The following ZNF664 variants were observed in gnomAD, a reference collection of about 807,000 sequenced individuals.
ZNF664 encodes the protein zinc finger protein 664.
Under a neutral mutation model 18.2 loss-of-function variants are expected in ZNF664, and 10 were observed. The ratio of observed to expected loss-of-function variants is 0.55; its 90% CI spans 0.34 to 0.93. The LOEUF (loss-of-function observed/expected upper bound fraction) is 0.93. ZNF664 is among the 40% of genes least tolerant of loss of function. The pLI, the probability that ZNF664 is intolerant of heterozygous loss-of-function variation, is 0.02. For synonymous variants in ZNF664, 119 were observed against 104.2 expected (o/e 1.14, Z -0.86); for missense variants, 193 against 319.0 (o/e 0.61, Z 3.01).
intron 2 of ZNF664, among the ~76,000 whole-genome samples, chr12:123,980,503 A>C (rs1264616422): frequency 2.0e-5 from 3 of 152,226 alleles, no homozygotes; most frequent in Non-Finnish European, 2.9e-5. Context: ...TCTGCACAAA[A>C]TATGTATATT....
Position 124,015,394 on chromosome 12 carries a change from C to T in ZNF664, c.*2464C>T, listed in dbSNP as rs1214202447. On this transcript the variant is annotated 3_prime_UTR_variant, in exon 5 of 5. Transcript: ENST00000337815. ...AATATTATTTGACCTACAGTATGTC[C>T]AAATCAATTTAATAAAATCGCTTTA... 1 of 165,806 alleles carries T rather than the reference C, an allele frequency of 6.0e-6. No individual in the cohort carries two copies. The highest frequency in any genetic ancestry group is 1.5e-5 in the Non-Finnish European group (1 of 68,100). 10.3% of individuals were successfully genotyped at this position (165,806 alleles called of 1,614,324 possible).
chr12:124,011,681 G>T lies in ZNF664; in HGVS notation c.-464G>T, dbSNP rs1189807295. 4.0e-6 allele frequency: 4 copies of T among 1,007,442 alleles called. No individual in the cohort carries two copies. The highest frequency in any genetic ancestry group is 3.5e-5 in the African/African-American group (2 of 57,558). 62.4% of individuals were successfully genotyped at this position (1,007,442 alleles called of 1,614,324 possible). A position where few individuals can be genotyped will look rare whatever the true frequency, so the allele number is the denominator to read the frequency against. The stretch of plus-strand genomic sequence containing the variant: ...GAATGCCAAACTGACTCTTCAAGGG[G>T]CAACTGCAGGGGCTCGAGACCAGCC... On this transcript the variant is annotated 5_prime_UTR_variant, in exon 5 of 5. Coordinates refer to ENST00000337815, the MANE Select transcript of ZNF664 (RefSeq NM_152437.3).
rs1957137161 is a variant in ZNF664, at chr12:124,011,645, T to C, written c.-500T>C. ...GCTGGAAAGGCTTTCCTGTCTGATG[T>C]GCAGGAGGCAGAATGCCAAACTGAC... is the stretch of plus-strand genomic sequence containing the variant. On this transcript the variant is annotated 5_prime_UTR_variant, in exon 5 of 5. Transcript: ENST00000337815. 2 of 1,006,826 alleles carry C rather than the reference T, an allele frequency of 2.0e-6. No individual in the cohort carries two copies. The highest frequency in any genetic ancestry group is 4.6e-5 in the South Asian group (1 of 21,586). The allele number at this position is 1,006,826 out of a possible 1,614,324, so 62.4% of individuals were successfully genotyped here.
At position 124,014,345 on chromosome 12, in the gene ZNF664, CA is replaced by C. The variant is rs1957168203; in HGVS notation, c.*1416del. The C allele has an allele frequency of 6.0e-6, 1 of 167,040 alleles. No homozygotes were observed. Among genetic ancestry groups the C allele is most frequent in the African/African-American group, 2.4e-5 (1 of 41,424 alleles). The allele number at this position is 167,040 out of a possible 1,614,324, so 10.3% of individuals were successfully genotyped here. ...ACAGGCCAGCACTGGCATTCGCAAGCAGTGGGGAAGGGGAGAGATGCCGAGG... is the reference window on the plus strand; with the variant it reads ...ACAGGCCAGCACTGGCATTCGCAAGCGTGGGGAAGGGGAGAGATGCCGAGG... On this transcript the variant is annotated 3_prime_UTR_variant, in exon 5 of 5. Coordinates refer to ENST00000337815, the MANE Select transcript of ZNF664 (RefSeq NM_152437.3).
intron 3 of ZNF664, chr12:123,989,531 T>C (rs1956864771): frequency 6.6e-6 from 1 of 152,206 alleles, no homozygotes; most frequent in Non-Finnish European, 1.5e-5. Flanking sequence ...GCCACTAATG[T>C]AGGGAAAAGG....
chr12:124,010,288 G>T (rs1361038300), intron 3 of ZNF664, among the ~76,000 whole-genome samples: 1 of 152,082 alleles, frequency 6.6e-6, no homozygotes, highest in Non-Finnish European at 1.5e-5. Context: ...ACCCATGCAT[G>T]TTCTCTTTGT....
At chr12:123,990,670 T>C (rs1386639361) in intron 3 of ZNF664, among the ~76,000 whole-genome samples, 1 of 152,178 alleles carries the variant, frequency 6.6e-6, no homozygotes, top group Non-Finnish European at 1.5e-5. Flanking sequence ...TCCTTTTGTG[T>C]TCCCTCCCCC....
At position 123,973,301 on chromosome 12, in the gene ZNF664, G is replaced by C; in HGVS notation, c.-943G>C. ...CCTGTGAGGTGTCCCTGAGGAGAGG[G>C]AGGTGGGTGCGCGGCGCCCGCGGCC... On this transcript the variant is annotated 5_prime_UTR_variant, in exon 1 of 5. Coordinates refer to ENST00000337815, the MANE Select transcript of ZNF664 (RefSeq NM_152437.3). 2 of 984,352 alleles carry C rather than the reference G, an allele frequency of 2.0e-6. No homozygotes were observed. Among genetic ancestry groups the C allele is most frequent in the Non-Finnish European group, 2.4e-6 (2 of 829,808 alleles). 61.0% of individuals were successfully genotyped at this position (984,352 alleles called of 1,614,324 possible). A position where few individuals can be genotyped will look rare whatever the true frequency, so the allele number is the denominator to read the frequency against.
rs1439425906 is a variant in ZNF664, at chr12:124,011,654, C to G, written c.-491C>G. 9.9e-7 allele frequency: 1 copy of G among 1,006,842 alleles called. No individual in the cohort carries two copies. The highest frequency in any genetic ancestry group is 1.2e-6 in the Non-Finnish European group (1 of 846,728). 62.4% of individuals were successfully genotyped at this position (1,006,842 alleles called of 1,614,324 possible). A position where few individuals can be genotyped will look rare whatever the true frequency, so the allele number is the denominator to read the frequency against. On this transcript the variant is annotated 5_prime_UTR_variant, in exon 5 of 5. Coordinates refer to ENST00000337815, the MANE Select transcript of ZNF664 (RefSeq NM_152437.3). ...GCTTTCCTGTCTGATGTGCAGGAGG[C>G]AGAATGCCAAACTGACTCTTCAAGG...
chr12:123,984,212 G>A (rs769221299), intron 2 of ZNF664, among the ~76,000 whole-genome samples: 1 of 152,162 alleles, frequency 6.6e-6, no homozygotes, highest in Non-Finnish European at 1.5e-5. Context: ...GAGCTTGCCC[G>A]GCCAACTGAT....
chr12:123,997,450 G>C (rs1337259191), intron 3 of ZNF664, among the ~76,000 whole-genome samples: 1 of 152,194 alleles, frequency 6.6e-6, no homozygotes, highest in Non-Finnish European at 1.5e-5. Context: ...CCCTTTGAAG[G>C]CTTTACAGGA....
rs181964844 is a variant in ZNF664 at position 123,987,203 on chromosome 12, G to C, written c.-756-840G>C. Among the ~76,000 whole-genome samples, 147 of 152,312 alleles carry C rather than the reference G, an allele frequency of 9.7e-4. 2 individuals are homozygous for C. Among genetic ancestry groups the C allele is most frequent in the Admixed American group, 9.5e-3 (146 of 15,298 alleles). Reference sequence around the variant, plus strand: ...ATACTGTAATCCAGCACTGTCCCCAGATTGACAACAGCTAGAAAAACATGT... The same window carrying C: ...ATACTGTAATCCAGCACTGTCCCCACATTGACAACAGCTAGAAAAACATGT... On this transcript the variant is annotated intron_variant, in intron 2 of 4. Transcript: ENST00000337815.
intron 2 of ZNF664, among the ~76,000 whole-genome samples, chr12:123,985,166 G>A (rs990037239): frequency 2.0e-5 from 3 of 152,080 alleles, no homozygotes; most frequent in Non-Finnish European, 4.4e-5. Flanking sequence ...TCTTAGTCGG[G>A]GGATGGCTCC....
chr12:124,008,313 C>G (rs1957097028), intron 3 of ZNF664, among the ~76,000 whole-genome samples: 2 of 152,158 alleles, frequency 1.3e-5, no homozygotes, highest in Non-Finnish European at 2.9e-5. Flanking sequence ...ACAAGAATGT[C>G]TTCAGAGGGT....
rs1213530458 is a variant in ZNF664 at position 124,012,475 on chromosome 12, G to T, written c.331G>T (p.Gly111Cys). 6.2e-7 allele frequency: 1 copy of T among 1,614,058 alleles called. No individual in the cohort carries two copies. The highest frequency in any genetic ancestry group is 8.5e-7 in the Non-Finnish European group (1 of 1,180,056). Reference sequence around the variant, plus strand: ...TCAAATTCATATGAGAGTTCATACAGGTGAGAAACCGTATGTCTGTAGTGA... The same window carrying T: ...TCAAATTCATATGAGAGTTCATACATGTGAGAAACCGTATGTCTGTAGTGA... ...HLQIHMRVHT[G>C]EKPYVCSECG... Residue 111 changes from glycine (G) to cysteine (C), a missense_variant, in exon 5 of 5, where the codon GGT (glycine) becomes TGT (cysteine). By Grantham distance (159) the Gly-to-Cys change is radical. This residue lies in a region of ZNF664 where 61 missense variants were observed against 153.7 expected (regional missense o/e 0.40). Transcript: ENST00000337815.
At chr12:123,978,805 A>C (rs1956726184) in intron 2 of ZNF664, among the ~76,000 whole-genome samples, 1 of 152,262 alleles carries the variant, frequency 6.6e-6, no homozygotes, top group Non-Finnish European at 1.5e-5. Context: ...GAACACAAGA[A>C]TAGACAGATT....
At chr12:123,985,635 C>T (rs186975134) in intron 2 of ZNF664, among the ~76,000 whole-genome samples, 3 of 152,260 alleles carry the variant, frequency 2.0e-5, no homozygotes, top group Admixed American at 1.3e-4. Flanking sequence ...GTGTTTAAAT[C>T]TGGGAGGTGG....
intron 3 of ZNF664, among the ~76,000 whole-genome samples, chr12:123,988,615 T>C (rs1475029232): frequency 6.6e-6 from 1 of 152,124 alleles, no homozygotes; most frequent in African/African-American, 2.4e-5. Context: ...GAATAATAGC[T>C]TTTTCCTTAA....
intron 2 of ZNF664, among the ~76,000 whole-genome samples, chr12:123,984,979 C>T (rs1018182023): frequency 4.0e-5 from 6 of 151,824 alleles, no homozygotes; most frequent in Non-Finnish European, 7.4e-5. Context: ...AACTGGGAGC[C>T]GAGGAGACCG....
Sources: gnomAD v4.1 joint callset for allele counts (sites outside exome capture counted in the v4.1 genomes callset) on GRCh38, gnomAD v4.1.1 for gene constraint, gnomAD v4.1.1 regional missense constraint, MANE v1.5 for transcripts, NCBI Gene and HGNC (gene_info 2026-07-23, HGNC 2026-07-21) for gene names.